Variants in NCOR2 observed in about 807,000 individuals in gnomAD.
The protein encoded by NCOR2 is nuclear receptor corepressor 2.
Under a neutral mutation model 262.9 loss-of-function variants are expected in NCOR2, and 81 were observed. The observed-to-expected ratio is 0.31, with a 90% confidence interval of 0.26 to 0.37. NCOR2 has a LOEUF of 0.37. Among genes scored for constraint, NCOR2 ranks in the 10% least tolerant of loss-of-function variants. NCOR2 has a pLI of 1.00. For missense variants in NCOR2, 3,385 were observed against 3,621.4 expected (o/e 0.93, Z 1.68); for synonymous variants, 1,659 against 1,559.3 (o/e 1.06, Z -1.51).
rs1293864095 is a variant in NCOR2, at chr12:124,481,230, T to C, written c.411+2366A>G. Among the ~76,000 whole-genome samples, 3 of 150,686 alleles carry C rather than the reference T, an allele frequency of 2.0e-5. No individual in the cohort carries two copies. Among genetic ancestry groups the C allele is most frequent in the Non-Finnish European group, 3.0e-5 (2 of 67,506 alleles). Reference sequence around the variant, plus strand: ...GGGCAGGAAGGATGTGCTGGAAGGGTTGGGCGTCGGGGCAGGGATGCTGGC... The same window carrying C: ...GGGCAGGAAGGATGTGCTGGAAGGGCTGGGCGTCGGGGCAGGGATGCTGGC... On this transcript the variant is annotated intron_variant, in intron 3 of 46. Coordinates refer to ENST00000405201, the Ensembl canonical transcript of NCOR2. The surrounding 1 kb of genome is among the most constrained non-coding windows in gnomAD (Gnocchi z 4.6).
intron 16 of NCOR2, among the ~76,000 whole-genome samples, chr12:124,395,727 G>A (rs1282097981): frequency 1.3e-5 from 2 of 152,184 alleles, no homozygotes; most frequent in Non-Finnish European, 1.5e-5. Context: ...TGAGGAGGTG[G>A]TAGTGACAAC....
chr12:124,331,955 C>A (rs1593079565), intron 43 of NCOR2: 2 of 248,040 alleles, frequency 8.1e-6, no homozygotes, highest in East Asian at 1.7e-4. Context: ...GCGTTCATAC[C>A]CAGCAACCAC....
chr12:124,430,845 C>A, intron 8 of NCOR2, 58 bp from the exon 11 acceptor site: 1 of 1,532,494 alleles, frequency 6.5e-7, no homozygotes, highest in Non-Finnish European at 8.8e-7. Context: ...CCCGCCGCCT[C>A]CCCCCTGCCC....
chr12:124,479,469 A>AC lies in NCOR2; in HGVS notation c.411+4126_411+4127insG, dbSNP rs59194397. On this transcript the variant is annotated intron_variant, in intron 3 of 46. Coordinates refer to ENST00000405201, the Ensembl canonical transcript of NCOR2. ...CACACACGCATACACACACACACAC[A>AC]AACACGCAGGGACACACACAGGCAC... Among the ~76,000 whole-genome samples the AC allele has an allele frequency of 3.6e-3, 361 of 99,902 alleles. 5 individuals carry two copies. The East Asian group carries it at 0.049, about 14-fold the overall frequency. The allele number at this position is 99,902 out of a possible 152,430, so 65.5% of individuals were successfully genotyped here.
intron 7 of NCOR2, among the ~76,000 whole-genome samples, chr12:124,444,303 A>G (rs887535063): frequency 6.6e-6 from 1 of 152,106 alleles, no homozygotes; most frequent in African/African-American, 2.4e-5. Context: ...ATGGGGTGCA[A>G]AGAAGTCAGG....
chr12:124,469,743 GA>G (rs1011015324), intron 4 of NCOR2, among the ~76,000 whole-genome samples: 7 of 152,158 alleles, frequency 4.6e-5, no homozygotes, highest in Non-Finnish European at 8.8e-5. Flanking sequence ...AGATAATGCT[GA>G]AAAAACTGCT....
chr12:124,400,745 G>C lies in NCOR2; in HGVS notation c.1641-72C>G, dbSNP rs7969396. On this transcript the variant is annotated intron_variant, in intron 14 of 46. Transcript: ENST00000405201. ...AATCAAACAGCCACTGGAGGAGACT[G>C]TTTCTTTAGCTGGATTTGCACTGGC... 7,327 of 1,549,332 alleles carry C rather than the reference G, an allele frequency of 4.7e-3. 229 individuals carry two copies. The African/African-American group carries it at 0.078, about 16-fold the overall frequency.
At chr12:124,560,373 G>C (rs2052028678) in intron 1 of NCOR2, among the ~76,000 whole-genome samples, 1 of 152,226 alleles carries the variant, frequency 6.6e-6, no homozygotes. Context: ...ACCGAAATTT[G>C]CATTTCATAT....
intron 17 of NCOR2, among the ~76,000 whole-genome samples, chr12:124,385,354 AC>A (rs1380140719): frequency 6.6e-6 from 1 of 152,086 alleles, no homozygotes; most frequent in Non-Finnish European, 1.5e-5. Flanking sequence ...CTCGCTCAGG[AC>A]CCATTTGCCT....
At chr12:124,360,151 A>G (rs998956001) in intron 22 of NCOR2, among the ~76,000 whole-genome samples, 1 of 152,180 alleles carries the variant, frequency 6.6e-6, no homozygotes, top group African/African-American at 2.4e-5. Flanking sequence ...ACGCTGGCCA[A>G]AGCTGCTGGG....
chr12:124,329,217 T>C (rs1348143918), intron 44 of NCOR2: 2 of 458,320 alleles, frequency 4.4e-6, no homozygotes, highest in East Asian at 7.0e-5. Flanking sequence ...TCCCAGCACT[T>C]TGGGAGGCCC....
At chr12:124,500,989 T>G (rs373277937) in intron 1 of NCOR2, among the ~76,000 whole-genome samples, 4 of 151,268 alleles carry the variant, frequency 2.6e-5, no homozygotes, top group African/African-American at 7.3e-5. Context: ...CTGTGGCAGG[T>G]GGGGGAGCCT....
intron 1 of NCOR2, chr12:124,542,371 A>C (rs1302623760): frequency 1.3e-5 from 2 of 152,876 alleles, no homozygotes; most frequent in African/African-American, 4.8e-5. Flanking sequence ...TGGCAGGGCC[A>C]CATGAGGGAC....
chr12:124,377,999 C>CT (rs2040151975), intron 18 of NCOR2, among the ~76,000 whole-genome samples: 1 of 152,088 alleles, frequency 6.6e-6, no homozygotes, highest in Non-Finnish European at 1.5e-5. Flanking sequence ...CTGAGCGAGG[C>CT]TTGGGGCTCC....
At chr12:124,436,474 G>A (rs773455129) in intron 8 of NCOR2, among the ~76,000 whole-genome samples, 4 of 152,172 alleles carry the variant, frequency 2.6e-5, no homozygotes, top group East Asian at 1.9e-4. Flanking sequence ...CATCCAGCCC[G>A]CCTCTTCCCC....
exon 37 of NCOR2, chr12:124,340,117 G>C (rs771063370): frequency 3.1e-6 from 5 of 1,612,644 alleles, no homozygotes; most frequent in Non-Finnish European, 4.2e-6. Context: ...AGGGGAGATG[G>C]GCGAGTGCTG....
Position 124,495,242 on chromosome 12 carries a change from A to G in NCOR2, c.10T>C (p.Ser4Pro), listed in dbSNP as rs1208945179. Reference sequence around the variant, plus strand: ...CACGTCTGTGCCACAGGCTGTGTGGATCCCGACATGGTGGTGGGGGTCGGC... The same window carrying G: ...CACGTCTGTGCCACAGGCTGTGTGGGTCCCGACATGGTGGTGGGGGTCGGC... The change falls in exon 1 of 47, where the codon TCC (serine) becomes CCC (proline). Residue 4 changes from serine to proline, a missense_variant. Transcript: ENST00000405201. This position sits in a 1 kb window ranked among gnomAD's most constrained non-coding sequence, Gnocchi z 4.4. 2.5e-6 allele frequency: 4 copies of G among 1,612,792 alleles called. No individual in the cohort carries two copies. The highest frequency in any genetic ancestry group is 2.7e-5 in the African/African-American group (2 of 74,850).
At chr12:124,344,926 C>T (rs2036784665) in exon 32 of NCOR2, 2 of 1,561,740 alleles carry the variant, frequency 1.3e-6, no homozygotes, top group Non-Finnish European at 1.7e-6. Context: ...GGTGGACGCG[C>T]CGGTGTCGTA....
chr12:124,461,684 CCCG>C lies in NCOR2; in HGVS notation c.705+4486_705+4488del, dbSNP rs199998902. 5.9e-5 allele frequency among the ~76,000 whole-genome samples: 9 copies of C among 152,392 alleles called. No individual in the cohort carries two copies. In the East Asian group the frequency reaches 1.3e-3, roughly 23 times the overall value. ...ATGATGTAACCACACCCGCCCCACA[CCCG>C]CCATCTCACGCACATCCACCTGTAC... On this transcript the variant is annotated intron_variant, in intron 5 of 46. Coordinates refer to ENST00000405201, the Ensembl canonical transcript of NCOR2.
Sources: allele counts gnomAD v4.1 joint callset (sites outside exome capture counted in the v4.1 genomes callset), GRCh38; gene constraint gnomAD v4.1.1; non-coding constraint Gnocchi (gnomAD v3.1); transcripts MANE v1.5; gene names NCBI Gene and HGNC (gene_info 2026-07-23, HGNC 2026-07-21).